CRACDL: variants seen among roughly 807,000 people sequenced by gnomAD.
CRACDL encodes the protein CRACD-like protein.
Under a neutral mutation model 70.6 loss-of-function variants are expected in CRACDL, and 26 were observed. That is an observed-to-expected ratio of 0.37 (90% confidence interval 0.27 to 0.51). The LOEUF (loss-of-function observed/expected upper bound fraction) is 0.51, where lower values mean the gene tolerates loss of function less well. CRACDL is among the 20% of genes least tolerant of loss of function. The probability of loss-of-function intolerance (pLI) is 0.94; values close to 1 mark genes in which losing one functional copy is unlikely to be tolerated. For synonymous variants in CRACDL, 618 were observed against 615.2 expected (o/e 1.00, Z -0.07); for missense variants, 1,283 against 1,376.9 (o/e 0.93, Z 1.08).
chr2:98,904,479 G>T (rs2104663042), intron 1 of CRACDL, among the ~76,000 whole-genome samples: 1 of 152,324 alleles, frequency 6.6e-6, no homozygotes, highest in Non-Finnish European at 1.5e-5. Flanking sequence ...CCACGTGATT[G>T]TTCTCAGCCT....
chr2:98,891,532 C>G lies in CRACDL; in HGVS notation c.-11+44406G>C, dbSNP rs538021351. ...ATTAGATAGTATTGATGGTTCACAACCTTGTTTGGGGATATGCTAATTATA... is the reference window on the plus strand; with the variant it reads ...ATTAGATAGTATTGATGGTTCACAAGCTTGTTTGGGGATATGCTAATTATA... On this transcript the variant is annotated intron_variant, in intron 1 of 9. Coordinates refer to ENST00000397899, the MANE Select transcript of CRACDL (RefSeq NM_207362.3). Among the ~76,000 whole-genome samples, 170 of 151,944 alleles carry G rather than the reference C, an allele frequency of 1.1e-3. 2 individuals carry two copies. The highest frequency in any genetic ancestry group is 4.0e-3 in the African/African-American group (165 of 41,422).
rs78139780 is a variant in CRACDL, at chr2:98,914,158, G to C, written c.-11+21780C>G. Reference sequence around the variant, plus strand: ...GGAAGCCGAGGCAGGAGCCAGGTAGGGGGAGGAGGCAGGAGCCCCAAGGAC... The same window carrying C: ...GGAAGCCGAGGCAGGAGCCAGGTAGCGGGAGGAGGCAGGAGCCCCAAGGAC... On this transcript the variant is annotated intron_variant, in intron 1 of 9. Coordinates refer to ENST00000397899, the MANE Select transcript of CRACDL (RefSeq NM_207362.3). 9.3e-3 allele frequency among the ~76,000 whole-genome samples: 1,421 copies of C among 152,358 alleles called. 25 individuals are homozygous for C. Among genetic ancestry groups the C allele is most frequent in the African/African-American group, 0.031 (1,296 of 41,578 alleles).
chr2:98,929,950 A>C (rs1166379159), intron 1 of CRACDL, among the ~76,000 whole-genome samples: 1 of 152,074 alleles, frequency 6.6e-6, no homozygotes, highest in Non-Finnish European at 1.5e-5. Flanking sequence ...GACATGGAAA[A>C]GGTGCTCGAT....
At chr2:98,920,389 C>T (rs1029863697) in intron 1 of CRACDL, among the ~76,000 whole-genome samples, 2 of 152,320 alleles carry the variant, frequency 1.3e-5, no homozygotes, top group South Asian at 4.1e-4. Context: ...CATGTGTAGG[C>T]ACTGTCTCTG....
In CRACDL at chr2:98,865,621, C is replaced by T. The variant is rs546004251; in HGVS notation, c.-10-18811G>A. On this transcript the variant is annotated intron_variant, in intron 1 of 9. Coordinates refer to ENST00000397899, the MANE Select transcript of CRACDL (RefSeq NM_207362.3). ...ACTGAAGCAAATGGAATGTGAAATGCTTGCAGAGTTCCTGTGAGAAATCTC... is the reference window on the plus strand; with the variant it reads ...ACTGAAGCAAATGGAATGTGAAATGTTTGCAGAGTTCCTGTGAGAAATCTC... Among the ~76,000 whole-genome samples the T allele has an allele frequency of 3.9e-5, 6 of 152,102 alleles. No homozygotes were observed. The South Asian group carries it at 6.2e-4, about 16-fold the overall frequency.
intron 1 of CRACDL, among the ~76,000 whole-genome samples, chr2:98,863,485 C>T (rs1707014685): frequency 6.6e-6 from 1 of 152,080 alleles, no homozygotes; most frequent in Non-Finnish European, 1.5e-5. Flanking sequence ...AAAGTAAATA[C>T]ACGGGAATTA....
chr2:98,897,377 CT>C (rs1395318197), intron 1 of CRACDL: 5 of 1,303,552 alleles, frequency 3.8e-6, no homozygotes, highest in Non-Finnish European at 5.1e-6. Flanking sequence ...TAGCACCTAC[CT>C]TTTATCTTGC....
rs934036173 is a variant in CRACDL at position 98,822,710 on chromosome 2, G to C, written c.1563C>G (p.Pro521=). The change falls in exon 7 of 10, where the codon CCC becomes CCG. Residue 521 remains proline, a synonymous_variant. Coordinates refer to ENST00000397899, the MANE Select transcript of CRACDL (RefSeq NM_207362.3). This position sits in a 1 kb window ranked among gnomAD's most constrained non-coding sequence, Gnocchi z 4.9. ...GGGAACCGGGGCCGGGCTCCACCGG[G>C]GGAGACTCCGCAGCGGCAAGCGGCG... ...ASPPLAAAES[P]PVEPGPGSLD... 3.4e-5 allele frequency: 43 copies of C among 1,263,912 alleles called. No homozygotes were observed. The African/African-American group carries it at 6.4e-4, about 19-fold the overall frequency. 78.3% of individuals were successfully genotyped at this position (1,263,912 alleles called of 1,614,324 possible).
At position 98,847,868 on chromosome 2, in the gene CRACDL, C is replaced by CACAA. The variant is rs779472099; in HGVS notation, c.-10-1062_-10-1059dup. On this transcript the variant is annotated intron_variant, in intron 1 of 9. Coordinates refer to ENST00000397899, the MANE Select transcript of CRACDL (RefSeq NM_207362.3). ...AATGATGGGAGAAATGCAAAGAAAA[C>CACAA]ACAAACAGAGAAAAGGATTTGCGGG... Among the ~76,000 whole-genome samples, 67 of 152,296 alleles carry CACAA rather than the reference C, an allele frequency of 4.4e-4. No individual in the cohort carries two copies. The Middle Eastern group carries it at 0.01, about 23-fold the overall frequency.
intron 7 of CRACDL, among the ~76,000 whole-genome samples, chr2:98,802,145 C>T (rs1704107046): frequency 6.6e-6 from 1 of 152,284 alleles, no homozygotes; most frequent in African/African-American, 2.4e-5. Context: ...CCTGTAAGGG[C>T]AGGCGCCTCA....
At chr2:98,811,567 T>C (rs1425576004) in intron 7 of CRACDL, among the ~76,000 whole-genome samples, 3 of 149,862 alleles carry the variant, frequency 2.0e-5, no homozygotes, top group African/African-American at 4.9e-5. Context: ...TTATAGATAG[T>C]AAAATTCACC....
intron 1 of CRACDL, among the ~76,000 whole-genome samples, chr2:98,863,703 G>A (rs995608242): frequency 6.6e-6 from 1 of 152,160 alleles, no homozygotes; most frequent in African/African-American, 2.4e-5. Context: ...GCTGGGCAGT[G>A]GCACCAAGTC....
At chr2:98,848,043 G>A (rs567115990) in intron 1 of CRACDL, among the ~76,000 whole-genome samples, 16 of 152,190 alleles carry the variant, frequency 1.1e-4, no homozygotes, top group Admixed American at 6.5e-4. Flanking sequence ...GTCTTGTGTC[G>A]GCTCTGCCAA....
At position 98,822,374 on chromosome 2, in the gene CRACDL, C is replaced by T. The variant is rs1329180780; in HGVS notation, c.1899G>A (p.Ala633=). Residue 633 remains alanine (A), a synonymous_variant, in exon 7 of 10, where the codon GCG becomes GCA. Coordinates refer to ENST00000397899, the MANE Select transcript of CRACDL (RefSeq NM_207362.3). The surrounding 1 kb of genome is among the most constrained non-coding windows in gnomAD (Gnocchi z 4.9). ...CCCCCGAGTCCTGAGGGCCGCGCTC[C>T]GCCAGCTTCCGAGGGCCAGGTTTCG... ...QHAKPGPRKL[A]ERGPQDSGDR... 4 of 1,473,330 alleles carry T rather than the reference C, an allele frequency of 2.7e-6. No individual in the cohort carries two copies. The highest frequency in any genetic ancestry group is 2.9e-5 in the East Asian group (1 of 34,776). 91.3% of individuals were successfully genotyped at this position (1,473,330 alleles called of 1,614,324 possible).
At chr2:98,805,108 C>T (rs1051852720) in intron 7 of CRACDL, among the ~76,000 whole-genome samples, 2 of 152,132 alleles carry the variant, frequency 1.3e-5, no homozygotes, top group African/African-American at 4.8e-5. Flanking sequence ...CCACCATGGT[C>T]CACAATCAGG....
At chr2:98,893,307 C>CG (rs111718656) in intron 1 of CRACDL, among the ~76,000 whole-genome samples, 77,300 of 151,270 alleles carry the variant, frequency 0.51, 20,991 homozygotes, top group African/African-American at 0.68. Context: ...TTTTTTTAGA[C>CG]GAGTCTCGCT....
chr2:98,827,124 C>A lies in CRACDL; in HGVS notation c.586G>T (p.Ala196Ser). 6.2e-7 allele frequency: 1 copy of A among 1,614,124 alleles called. No individual in the cohort carries two copies. The highest frequency in any genetic ancestry group is 8.5e-7 in the Non-Finnish European group (1 of 1,179,996). The change falls in exon 6 of 10, where the codon GCC (alanine) becomes TCC (serine). Residue 196 changes from alanine (A) to serine (S), a missense_variant. This residue lies in a region of CRACDL where 362 missense variants were observed against 495.0 expected (regional missense o/e 0.73). Coordinates refer to ENST00000397899, the MANE Select transcript of CRACDL (RefSeq NM_207362.3). ...GCCAGGCTGTTGTCTGAGATCCGGGCAGAGACGGTGCTGTCGCTCACGTGG... is the reference window on the plus strand; with the variant it reads ...GCCAGGCTGTTGTCTGAGATCCGGGAAGAGACGGTGCTGTCGCTCACGTGG... ...PDHVSDSTVS[A>S]RISDNSLAPV...
At chr2:98,810,098 T>C (rs1704492849) in intron 7 of CRACDL, among the ~76,000 whole-genome samples, 1 of 152,080 alleles carries the variant, frequency 6.6e-6, no homozygotes, top group African/African-American at 2.4e-5. Context: ...GATCACCCAC[T>C]GCAGGCTAGG....
intron 1 of CRACDL, among the ~76,000 whole-genome samples, chr2:98,934,996 C>T (rs1709170816): frequency 6.6e-6 from 1 of 152,162 alleles, no homozygotes; most frequent in African/African-American, 2.4e-5. Flanking sequence ...ATTTTATAAC[C>T]TCAATAGGTT....
Sources: gnomAD v4.1 joint callset for allele counts (sites outside exome capture counted in the v4.1 genomes callset) on GRCh38, gnomAD v4.1.1 for gene constraint, gnomAD v4.1.1 regional missense constraint, Gnocchi (gnomAD v3.1) non-coding constraint, MANE v1.5 for transcripts, NCBI Gene and HGNC (gene_info 2026-07-23, HGNC 2026-07-21) for gene names.